TMEM132D: variants seen among roughly 807,000 people sequenced by gnomAD.
TMEM132D encodes transmembrane protein 132D, also known as mature OL transmembrane protein.
Under a neutral mutation model 62.3 loss-of-function variants are expected in TMEM132D, and 21 were observed. The ratio of observed to expected loss-of-function variants is 0.34; its 90% CI spans 0.24 to 0.49. The LOEUF (loss-of-function observed/expected upper bound fraction) is 0.49, where lower values mean the gene tolerates loss of function less well. Among genes scored for constraint, TMEM132D ranks in the 20% least tolerant of loss-of-function variants. The pLI is 0.99. For synonymous variants in TMEM132D, 621 were observed against 575.6 expected (o/e 1.08, Z -1.13); for missense variants, 1,346 against 1,402.8 (o/e 0.96, Z 0.65).
intron 3 of TMEM132D, among the ~76,000 whole-genome samples, chr12:129,389,413 A>C (rs1352691661): frequency 6.6e-6 from 1 of 152,108 alleles, no homozygotes; most frequent in Non-Finnish European, 1.5e-5. Context: ...ACCCACATCA[A>C]TACTAACAAC....
At chr12:129,247,785 C>T (rs1214165943) in intron 4 of TMEM132D, among the ~76,000 whole-genome samples, 1 of 151,890 alleles carries the variant, frequency 6.6e-6, no homozygotes, top group African/African-American at 2.4e-5. Context: ...AAATAGAAAA[C>T]GATATGCCCC....
chr12:129,801,597 A>G (rs1871786599), intron 1 of TMEM132D, among the ~76,000 whole-genome samples: 1 of 150,808 alleles, frequency 6.6e-6, no homozygotes, highest in African/African-American at 2.4e-5. Flanking sequence ...AAAAAACAGA[A>G]CAGAAAAACT....
intron 1 of TMEM132D, among the ~76,000 whole-genome samples, chr12:129,850,594 G>T (rs1348584854): frequency 6.6e-6 from 1 of 152,130 alleles, no homozygotes; most frequent in Non-Finnish European, 1.5e-5. Context: ...TGCTTGCAGG[G>T]GTCTAGGTAT....
chr12:129,822,729 C>A (rs561357533), intron 1 of TMEM132D, among the ~76,000 whole-genome samples: 1 of 152,136 alleles, frequency 6.6e-6, no homozygotes, highest in African/African-American at 2.4e-5. Context: ...GAGTGCCGAG[C>A]GAAGGGGGAA....
At chr12:129,813,863 A>C (rs1872266079) in intron 1 of TMEM132D, among the ~76,000 whole-genome samples, 2 of 152,152 alleles carry the variant, frequency 1.3e-5, no homozygotes. Flanking sequence ...AACACAACTA[A>C]AATAAAAGCA....
chr12:129,427,748 A>G (rs1422400295), intron 3 of TMEM132D, among the ~76,000 whole-genome samples: 1 of 152,088 alleles, frequency 6.6e-6, no homozygotes, highest in East Asian at 1.9e-4. Context: ...AAAAAAACAA[A>G]ACCAAAATCA....
chr12:129,639,098 C>A (rs564790668), intron 2 of TMEM132D, among the ~76,000 whole-genome samples: 96 of 152,096 alleles, frequency 6.3e-4, no homozygotes, highest in African/African-American at 2.2e-3. Flanking sequence ...CATTAAAAAT[C>A]AGGGGCGGGC....
intron 3 of TMEM132D, among the ~76,000 whole-genome samples, chr12:129,375,723 G>A (rs770299991): frequency 7.2e-5 from 11 of 152,086 alleles, no homozygotes; most frequent in Non-Finnish European, 1.3e-4. Flanking sequence ...GACTCAGCCT[G>A]GGTCTCCATC....
At chr12:129,800,928 CT>C (rs1050740565) in intron 1 of TMEM132D, among the ~76,000 whole-genome samples, 14 of 152,198 alleles carry the variant, frequency 9.2e-5, no homozygotes, top group African/African-American at 2.9e-4. Flanking sequence ...AGGGAGTTCC[CT>C]TTCCTAGTTA....
intron 3 of TMEM132D, among the ~76,000 whole-genome samples, chr12:129,451,711 A>G (rs1307567799): frequency 6.6e-6 from 1 of 152,232 alleles, no homozygotes; most frequent in Non-Finnish European, 1.5e-5. Context: ...GAGAAAAGAC[A>G]GCCAGGACTG....
intron 4 of TMEM132D, among the ~76,000 whole-genome samples, chr12:129,322,165 T>G (rs547098683): frequency 2.0e-5 from 3 of 151,874 alleles, no homozygotes; most frequent in Admixed American, 2.0e-4. Context: ...AATCTATCCA[T>G]ACGTGGGACG....
intron 5 of TMEM132D, among the ~76,000 whole-genome samples, chr12:129,101,783 T>C (rs901086437): frequency 1.3e-5 from 2 of 152,200 alleles, no homozygotes; most frequent in Non-Finnish European, 2.9e-5. Context: ...GCATTTGTAC[T>C]GATAGTGGAA....
At chr12:129,172,172 T>A (rs538128304) in intron 5 of TMEM132D, among the ~76,000 whole-genome samples, 1 of 152,358 alleles carries the variant, frequency 6.6e-6, no homozygotes, top group South Asian at 2.1e-4. Flanking sequence ...ATGGCTTCTT[T>A]CCCTAAACCT....
chr12:129,447,378 T>C (rs1158537821), intron 3 of TMEM132D, among the ~76,000 whole-genome samples: 1 of 152,180 alleles, frequency 6.6e-6, no homozygotes, highest in East Asian at 1.9e-4. Context: ...ATTATTACAC[T>C]ACTGTTAAGT....
At chr12:129,861,484 G>A (rs1873893905) in intron 1 of TMEM132D, among the ~76,000 whole-genome samples, 1 of 152,146 alleles carries the variant, frequency 6.6e-6, no homozygotes, top group African/African-American at 2.4e-5. Flanking sequence ...TACCAGGCTG[G>A]GCCCAGTGGC....
chr12:129,133,162 A>ATTT (rs112304417), intron 5 of TMEM132D, among the ~76,000 whole-genome samples: 61 of 151,806 alleles, frequency 4.0e-4, no homozygotes, highest in African/African-American at 1.2e-3. Context: ...ATCTGCATCT[A>ATTT]TTTTTTTTCT....
At chr12:129,558,349 C>T (rs1877119617) in intron 2 of TMEM132D, among the ~76,000 whole-genome samples, 1 of 152,210 alleles carries the variant, frequency 6.6e-6, no homozygotes. Flanking sequence ...GGAAGGGTCC[C>T]ATTCCTATGG....
chr12:129,569,454 T>C (rs972344752), intron 2 of TMEM132D, among the ~76,000 whole-genome samples: 1 of 152,172 alleles, frequency 6.6e-6, no homozygotes, highest in African/African-American at 2.4e-5. Context: ...TTGGATTTGA[T>C]CTGTAATATA....
At chr12:129,593,404 G>A (rs1195318201) in intron 2 of TMEM132D, among the ~76,000 whole-genome samples, 3 of 152,164 alleles carry the variant, frequency 2.0e-5, no homozygotes, top group Non-Finnish European at 2.9e-5. Context: ...ATAGAAGAAA[G>A]ACAAGTAAAA....
Sources: gnomAD v4.1 joint callset for allele counts (sites outside exome capture counted in the v4.1 genomes callset) on GRCh38, gnomAD v4.1.1 for gene constraint, MANE v1.5 for transcripts, NCBI Gene and HGNC (gene_info 2026-07-23, HGNC 2026-07-21) for gene names.